CNTNAP5: variants seen among roughly 807,000 people sequenced by gnomAD.
CNTNAP5 encodes contactin-associated protein-like 5.
A neutral mutation model predicts 150.2 loss-of-function variants in CNTNAP5; 72 were observed. The observed-to-expected ratio is 0.48, with a 90% CI of 0.40 to 0.58. CNTNAP5 has a LOEUF of 0.58. CNTNAP5 is among the 20% of genes least tolerant of loss of function. CNTNAP5 has a pLI of 0.00. For missense variants in CNTNAP5, 1,636 were observed against 1,626.2 expected (o/e 1.01, Z -0.10); for synonymous variants, 672 against 619.8 (o/e 1.08, Z -1.25).
intron 10 of CNTNAP5, among the ~76,000 whole-genome samples, chr2:124,531,174 G>A (rs1695097573): frequency 6.6e-6 from 1 of 152,004 alleles, no homozygotes; most frequent in African/African-American, 2.4e-5. Flanking sequence ...TAAGGAGTGT[G>A]CAACCTGGAT....
chr2:124,382,630 A>G (rs931762814), intron 3 of CNTNAP5, among the ~76,000 whole-genome samples: 2 of 152,122 alleles, frequency 1.3e-5, no homozygotes, highest in Non-Finnish European at 2.9e-5. Flanking sequence ...ACACTCTCCA[A>G]TTTATTCTGT....
chr2:124,754,745 TG>T lies in CNTNAP5; in HGVS notation c.2234+7362del, dbSNP rs954713589. ...CTCTGTCACCCAGGCTCAAGTGCAGTGGTGTGATCTTGGCTCACCGCAGCCT... is the reference window on the plus strand; with the variant it reads ...CTCTGTCACCCAGGCTCAAGTGCAGTGTGTGATCTTGGCTCACCGCAGCCT... On this transcript the variant is annotated intron_variant, in intron 14 of 23. Transcript: ENST00000682447. Among the ~76,000 whole-genome samples the T allele has an allele frequency of 1.5e-3, 229 of 152,116 alleles. 1 individual carries two copies. The highest frequency in any genetic ancestry group is 5.2e-3 in the African/African-American group (215 of 41,512).
chr2:124,544,088 T>A (rs1044292850), intron 10 of CNTNAP5, among the ~76,000 whole-genome samples: 3 of 151,992 alleles, frequency 2.0e-5, no homozygotes, highest in Non-Finnish European at 2.9e-5. Flanking sequence ...GATTACAGAG[T>A]TGGCAAGTAT....
chr2:124,835,280 C>CT (rs1682805818), intron 19 of CNTNAP5, among the ~76,000 whole-genome samples: 1 of 152,058 alleles, frequency 6.6e-6, no homozygotes, highest in African/African-American at 2.4e-5. Flanking sequence ...TGCTACTTCC[C>CT]TTTTCCCCAA....
intron 8 of CNTNAP5, among the ~76,000 whole-genome samples, chr2:124,511,589 A>C (rs1694592336): frequency 6.6e-6 from 1 of 152,186 alleles, no homozygotes; most frequent in Non-Finnish European, 1.5e-5. Flanking sequence ...AGAATCATGG[A>C]TGCTCCCTCC....
chr2:124,794,244 G>T lies in CNTNAP5; in HGVS notation c.2993-3852G>T, dbSNP rs114622512. Among the ~76,000 whole-genome samples the T allele has an allele frequency of 2.3e-3, 356 of 152,238 alleles. 5 individuals carry two copies. Among genetic ancestry groups the T allele is most frequent in the African/African-American group, 7.6e-3 (316 of 41,530 alleles). ...TGGCACCACCCCTGCTCAAGTTGAGGTTCTGGTTCATCTACAGTCCACGTT... is the reference window on the plus strand; with the variant it reads ...TGGCACCACCCCTGCTCAAGTTGAGTTTCTGGTTCATCTACAGTCCACGTT... On this transcript the variant is annotated intron_variant, in intron 18 of 23. Coordinates refer to ENST00000682447, the MANE Select transcript of CNTNAP5 (RefSeq NM_001367498.1).
At chr2:124,713,253 CTTTCTTTCTT>C (rs1679854029) in intron 13 of CNTNAP5, among the ~76,000 whole-genome samples, 1 of 97,382 alleles carries the variant, frequency 1.0e-5, no homozygotes, top group African/African-American at 3.5e-5. Flanking sequence ...CTCTTTCTTT[CTTTCTTTCTT>C]TCTTTCTTTC....
At chr2:124,665,761 C>T (rs1310442365) in intron 13 of CNTNAP5, among the ~76,000 whole-genome samples, 4 of 152,004 alleles carry the variant, frequency 2.6e-5, no homozygotes, top group Non-Finnish European at 5.9e-5. Context: ...TGGCGGGCAC[C>T]TGTAGTCCCA....
intron 19 of CNTNAP5, among the ~76,000 whole-genome samples, chr2:124,861,357 G>C (rs1384244804): frequency 6.6e-6 from 1 of 151,984 alleles, no homozygotes; most frequent in East Asian, 1.9e-4. Context: ...TGGATCACCT[G>C]AGGTCAGGAG....
rs191284260 is a variant in CNTNAP5, at chr2:124,263,948, T to C, written c.381+21555T>C. 1.5e-3 allele frequency among the ~76,000 whole-genome samples: 221 copies of C among 152,254 alleles called. 1 individual carries two copies. Among genetic ancestry groups the C allele is most frequent in the African/African-American group, 5.0e-3 (206 of 41,566 alleles). The stretch of plus-strand genomic sequence containing the variant: ...GTTTTTGTCAGGTTTGTCAAAGATC[T>C]GATGGTTGTAGATGTGTGGTATTAT... On this transcript the variant is annotated intron_variant, in intron 3 of 23. Coordinates refer to ENST00000682447, the MANE Select transcript of CNTNAP5 (RefSeq NM_001367498.1).
chr2:124,159,068 G>A (rs1370449442), intron 1 of CNTNAP5, among the ~76,000 whole-genome samples: 2 of 152,176 alleles, frequency 1.3e-5, no homozygotes, highest in African/African-American at 2.4e-5. Context: ...TACTTCAGGG[G>A]TTTCAACATG....
chr2:124,872,874 G>A (rs1677781854), intron 21 of CNTNAP5, among the ~76,000 whole-genome samples: 1 of 151,882 alleles, frequency 6.6e-6, no homozygotes, highest in African/African-American at 2.4e-5. Context: ...TTTTAGCTAA[G>A]CCAACAATAA....
Position 124,869,690 on chromosome 2 carries a change from C to T in CNTNAP5, c.3364C>T (p.Arg1122Ter), listed in dbSNP as rs1421933502. 2 of 1,610,412 alleles carry T rather than the reference C, an allele frequency of 1.2e-6. No homozygotes were observed. The highest frequency in any genetic ancestry group is 1.3e-5 in the African/African-American group (1 of 74,788). ...ELTIQMDQQLRLSYNFSPEVE... is the reference protein window; with the variant it reads ...ELTIQMDQQL ...TTTCCTGCAGATGGACCAGCAACTT[C>T]GACTCAGTTATAACTTCTCTCCGGA... is the stretch of plus-strand genomic sequence containing the variant. The change falls in exon 21 of 24, where the codon CGA becomes TGA. Residue 1122 changes from arginine (R) to a stop codon, truncating the protein, a stop_gained. Transcript: ENST00000682447. LOFTEE classifies it high-confidence loss of function.
At chr2:124,509,551 G>C (rs1034925367) in intron 8 of CNTNAP5, among the ~76,000 whole-genome samples, 11 of 152,218 alleles carry the variant, frequency 7.2e-5, no homozygotes, top group Middle Eastern at 6.8e-3. Context: ...TTATCAGGCG[G>C]TTAGTATACC....
Position 124,214,930 on chromosome 2 carries a change from A to G in CNTNAP5, c.83-6775A>G, listed in dbSNP as rs76584620. 7.9e-5 allele frequency among the ~76,000 whole-genome samples: 12 copies of G among 152,230 alleles called. No homozygotes were observed. The East Asian group carries it at 1.4e-3, about 17-fold the overall frequency. On this transcript the variant is annotated intron_variant, in intron 1 of 23. Transcript: ENST00000682447. Reference sequence around the variant, plus strand: ...TTCACGACTGATTTTAGAAAGCTGTATTTTTGGTCTACTAATTATGAAGTA... The same window carrying G: ...TTCACGACTGATTTTAGAAAGCTGTGTTTTTGGTCTACTAATTATGAAGTA...
At chr2:124,871,153 A>G (rs112377930) in intron 21 of CNTNAP5, among the ~76,000 whole-genome samples, 2,372 of 151,748 alleles carry the variant, frequency 0.016, 58 homozygotes, top group African/African-American at 0.054. Context: ...TACATTCCTC[A>G]TTTCTTCCTG....
chr2:124,633,575 A>T (rs929263516), intron 12 of CNTNAP5, among the ~76,000 whole-genome samples: 16 of 152,082 alleles, frequency 1.1e-4, no homozygotes, highest in Non-Finnish European at 1.8e-4. Flanking sequence ...CTGTTAGTGG[A>T]TCTACTATTT....
At chr2:124,538,588 A>G (rs1466542469) in intron 10 of CNTNAP5, among the ~76,000 whole-genome samples, 2 of 151,812 alleles carry the variant, frequency 1.3e-5, no homozygotes, top group African/African-American at 2.4e-5. Flanking sequence ...AAGGAAGGAA[A>G]GAAAGAAAGG....
chr2:124,508,420 C>G (rs146808670), intron 8 of CNTNAP5, among the ~76,000 whole-genome samples: 34 of 152,320 alleles, frequency 2.2e-4, no homozygotes, highest in Middle Eastern at 6.8e-3. Flanking sequence ...AGCTGTTTCT[C>G]TATCGGTGAG....
Sources: gnomAD v4.1 joint callset for allele counts (sites outside exome capture counted in the v4.1 genomes callset) on GRCh38, gnomAD v4.1.1 for gene constraint, MANE v1.5 for transcripts, NCBI Gene and HGNC (gene_info 2026-07-23, HGNC 2026-07-21) for gene names.